PRR16: variants seen among roughly 807,000 people sequenced by gnomAD.
PRR16 encodes proline rich 16.
PRR16 carries 6 observed loss-of-function variants against 18.2 expected under a neutral mutation model. That is an observed-to-expected ratio of 0.33 (90% CI 0.18 to 0.65). PRR16 has a LOEUF of 0.65. Ranked by LOEUF, PRR16 falls within the 30% of genes least tolerant of loss-of-function variation. The pLI is 0.74. For missense variants in PRR16, 412 were observed against 376.6 expected, an observed-to-expected ratio of 1.09 and a Z score of -0.78; for synonymous variants, 151 against 147.8, an observed-to-expected ratio of 1.02 and a Z score of -0.16.
At chr5:120,777,957 C>T in the PRR16 span, among the ~76,000 whole-genome samples, 41,107 of 151,906 alleles carry the variant, frequency 0.27, 5,923 homozygotes, top group Non-Finnish European at 0.32. Context: ...TTGGTTTCAC[C>T]ATTATGGAAG....
intron 1 of PRR16, among the ~76,000 whole-genome samples, chr5:120,508,105 T>A (rs963374427): frequency 6.6e-6 from 1 of 152,102 alleles, no homozygotes; most frequent in Admixed American, 6.6e-5. Context: ...CTGGGAAAGC[T>A]TTTAAAGGGA....
Position 120,686,052 on chromosome 5 carries a change from C to A in PRR16, c.258C>A (p.Gly86=). The A allele has an allele frequency of 6.2e-7, 1 of 1,614,112 alleles. No individual in the cohort carries two copies. Among genetic ancestry groups the A allele is most frequent in the Non-Finnish European group, 8.5e-7 (1 of 1,180,006 alleles). ...KTDTLNSSSS[G]TTASSLEKIK... is the part of the protein sequence containing the mutation. Reference sequence around the variant, plus strand: ...ACACGCTGAATAGTAGCTCAAGTGGCACAACAGCCTCCAGCCTAGAGAAGA... The same window carrying A: ...ACACGCTGAATAGTAGCTCAAGTGGAACAACAGCCTCCAGCCTAGAGAAGA... Residue 86 remains glycine (G), a synonymous_variant, in exon 2 of 2, where the codon GGC becomes GGA. Transcript: ENST00000407149.
chr5:120,525,092 C>T (rs993486700), intron 1 of PRR16, among the ~76,000 whole-genome samples: 3 of 152,032 alleles, frequency 2.0e-5, no homozygotes, highest in Non-Finnish European at 4.4e-5. Flanking sequence ...CCTGGCAAGT[C>T]ACTCTTTCTT....
the PRR16 span, among the ~76,000 whole-genome samples, chr5:120,769,027 TACAAAATA>T: frequency 6.6e-6 from 1 of 151,694 alleles, no homozygotes; most frequent in Non-Finnish European, 1.5e-5. Context: ...GTACCTGATC[TACAAAATA>T]ATAAAATACT....
intron 1 of PRR16, among the ~76,000 whole-genome samples, chr5:120,664,535 T>C (rs1041620574): frequency 2.4e-4 from 36 of 151,640 alleles, no homozygotes; most frequent in Middle Eastern, 3.4e-3. Context: ...TATACATGTG[T>C]CCTGTTGGTG....
intron 1 of PRR16, among the ~76,000 whole-genome samples, chr5:120,624,257 G>GATTTAAATGTTAAAAT (rs1189017920): frequency 6.6e-6 from 1 of 152,062 alleles, no homozygotes; most frequent in Non-Finnish European, 1.5e-5. Context: ...ATATAAAATG[G>GATTTAAATGTTAAAAT]ATAACAGGAT....
chr5:120,674,886 T>C (rs900271098), intron 1 of PRR16, among the ~76,000 whole-genome samples: 1 of 151,940 alleles, frequency 6.6e-6, no homozygotes, highest in East Asian at 1.9e-4. Flanking sequence ...AAGCCATTAA[T>C]ATTTTTAAAA....
At chr5:120,547,774 T>C (rs1752119340) in intron 1 of PRR16, among the ~76,000 whole-genome samples, 1 of 151,902 alleles carries the variant, frequency 6.6e-6, no homozygotes, top group East Asian at 1.9e-4. Context: ...TTCAAAGGAG[T>C]GTGAAGATCT....
At chr5:120,732,127 C>G in the PRR16 span, among the ~76,000 whole-genome samples, 1 of 152,180 alleles carries the variant, frequency 6.6e-6, no homozygotes, top group Admixed American at 6.5e-5. Flanking sequence ...GACCAAGAGA[C>G]ACACTGTACA....
Position 120,596,123 on chromosome 5 carries a change from T to C in PRR16, c.160-89831T>C, listed in dbSNP as rs1288166569. ...TATCTGTCTCATTCCAGATGTTCTA[T>C]TTTTTTTATCTCTTGTCTTTTTTTT... On this transcript the variant is annotated intron_variant, in intron 1 of 1. Coordinates refer to ENST00000407149, the MANE Select transcript of PRR16 (RefSeq NM_001300783.2). 6.5e-5 allele frequency among the ~76,000 whole-genome samples: 7 copies of C among 108,274 alleles called. No homozygotes were observed. In the Admixed American group the frequency reaches 8.8e-4, roughly 14 times the overall value. The allele number at this position is 108,274 out of a possible 152,430, so 71.0% of individuals were successfully genotyped here.
rs983411271 is a variant in PRR16 at position 120,498,863 on chromosome 5, A to C, written c.159+34218A>C. Among the ~76,000 whole-genome samples the C allele has an allele frequency of 6.6e-5, 10 of 151,868 alleles. 1 individual carries two copies. Among genetic ancestry groups the C allele is most frequent in the Non-Finnish European group, 1.3e-4 (9 of 67,950 alleles). On this transcript the variant is annotated intron_variant, in intron 1 of 1. Transcript: ENST00000407149. The stretch of plus-strand genomic sequence containing the variant: ...GGTATGGCATTTTCTTCTTGTCTCC[A>C]TGGTTTCTAATAAAAATTTCTGCTG...
At chr5:120,571,858 C>T (rs1277315455) in intron 1 of PRR16, among the ~76,000 whole-genome samples, 2 of 152,122 alleles carry the variant, frequency 1.3e-5, no homozygotes, top group East Asian at 3.9e-4. Flanking sequence ...AGATACTCAG[C>T]TGATGGCTTG....
the PRR16 span, among the ~76,000 whole-genome samples, chr5:120,787,215 A>G: frequency 6.6e-6 from 1 of 152,152 alleles, no homozygotes; most frequent in African/African-American, 2.4e-5. Context: ...ATGCAAAAAA[A>G]TGTGGTTTAA....
intron 1 of PRR16, among the ~76,000 whole-genome samples, chr5:120,627,877 C>T (rs539479189): frequency 6.6e-6 from 1 of 152,040 alleles, no homozygotes; most frequent in Admixed American, 6.6e-5. Context: ...GCTTACAAAT[C>T]CATTTTCTCT....
At chr5:120,601,720 A>G (rs1753988558) in intron 1 of PRR16, among the ~76,000 whole-genome samples, 1 of 151,712 alleles carries the variant, frequency 6.6e-6, no homozygotes, top group Admixed American at 6.6e-5. Flanking sequence ...AGTTTTTAAT[A>G]CATTTTAAGT....
At chr5:120,599,872 A>G (rs182078567) in intron 1 of PRR16, among the ~76,000 whole-genome samples, 39 of 151,926 alleles carry the variant, frequency 2.6e-4, no homozygotes, top group Admixed American at 2.6e-3. Flanking sequence ...TCTGGTTTGT[A>G]AGGAGCTCCT....
the PRR16 span, among the ~76,000 whole-genome samples, chr5:120,760,902 T>C: frequency 6.6e-6 from 1 of 152,124 alleles, no homozygotes; most frequent in African/African-American, 2.4e-5. Context: ...TTCCTTGCCT[T>C]GCTTCCTCAC....
the PRR16 span, among the ~76,000 whole-genome samples, chr5:120,753,808 G>A: frequency 7.3e-6 from 1 of 136,604 alleles, no homozygotes; most frequent in South Asian, 2.2e-4. Flanking sequence ...CATCCCTTGA[G>A]TTTTATTATA....
At chr5:120,664,439 T>TG (rs1756289356) in intron 1 of PRR16, among the ~76,000 whole-genome samples, 1 of 116,422 alleles carries the variant, frequency 8.6e-6, no homozygotes, top group Admixed American at 1.0e-4. Context: ...AATGAAAATT[T>TG]GAGAAAAAAT....
Sources: allele counts gnomAD v4.1 joint callset (sites outside exome capture counted in the v4.1 genomes callset), GRCh38; gene constraint gnomAD v4.1.1; transcripts MANE v1.5; gene names NCBI Gene and HGNC (gene_info 2026-07-23, HGNC 2026-07-21).